Variants in SGMS1 observed in about 807,000 individuals in gnomAD.
SGMS1 encodes the protein phosphatidylcholine:ceramide cholinephosphotransferase 1.
SGMS1 carries 13 observed loss-of-function variants against 46.2 expected under a neutral mutation model. That is an observed-to-expected ratio of 0.28 (90% CI 0.18 to 0.45). The LOEUF is 0.45. Ranked by LOEUF, SGMS1 falls within the 20% of genes least tolerant of loss-of-function variation. The probability of loss-of-function intolerance (pLI) is 1.00; values close to 1 mark genes in which losing one functional copy is unlikely to be tolerated. For synonymous variants in SGMS1, 203 were observed against 187.8 expected, an observed-to-expected ratio of 1.08 and a Z score of -0.66; for missense variants, 324 against 519.9, an observed-to-expected ratio of 0.62 and a Z score of 3.66.
At chr10:50,309,894 C>T (rs779823130) in intron 9 of SGMS1, among the ~76,000 whole-genome samples, 1 of 152,156 alleles carries the variant, frequency 6.6e-6, no homozygotes, top group Non-Finnish European at 1.5e-5. Context: ...TCTGTCACTT[C>T]TCTCCATCCC....
chr10:50,623,108 G>A (rs1838870914), intron 1 of SGMS1, among the ~76,000 whole-genome samples: 1 of 152,088 alleles, frequency 6.6e-6, no homozygotes, highest in South Asian at 2.1e-4. Flanking sequence ...TGGAGAGAAG[G>A]GGAGCGCTCC....
intron 2 of SGMS1, among the ~76,000 whole-genome samples, chr10:50,582,639 C>T (rs16906316): frequency 0.033 from 5,009 of 152,228 alleles, 293 homozygotes; most frequent in African/African-American, 0.11. Flanking sequence ...AGCATGTGCC[C>T]GGCAGGATGG....
chr10:50,369,594 G>GA (rs34706801), intron 6 of SGMS1, among the ~76,000 whole-genome samples: 2 of 149,624 alleles, frequency 1.3e-5, no homozygotes, highest in Non-Finnish European at 3.0e-5. Flanking sequence ...AAATGTGGAG[G>GA]AAAAAAGTTC....
At chr10:50,340,902 A>G (rs1353862068) in intron 7 of SGMS1, among the ~76,000 whole-genome samples, 1 of 152,160 alleles carries the variant, frequency 6.6e-6, no homozygotes, top group Non-Finnish European at 1.5e-5. Flanking sequence ...GGATAGACTG[A>G]TTTTTTAAGG....
intron 2 of SGMS1, among the ~76,000 whole-genome samples, chr10:50,560,358 T>C (rs1264575220): frequency 2.2e-5 from 3 of 138,188 alleles, no homozygotes; most frequent in Non-Finnish European, 4.5e-5. Flanking sequence ...ATATATATTA[T>C]AATACATATT....
intron 2 of SGMS1, among the ~76,000 whole-genome samples, chr10:50,537,428 CT>C (rs941980671): frequency 8.3e-5 from 12 of 144,586 alleles, no homozygotes; most frequent in Admixed American, 5.0e-4. Flanking sequence ...TGTTTCTTTT[CT>C]TTTTTTTCTT....
chr10:50,517,856 C>A (rs1837819332), intron 3 of SGMS1, among the ~76,000 whole-genome samples: 1 of 151,648 alleles, frequency 6.6e-6, no homozygotes, highest in African/African-American at 2.4e-5. Flanking sequence ...AAGCTATGGA[C>A]AATGGAACAG....
intron 2 of SGMS1, among the ~76,000 whole-genome samples, chr10:50,532,245 G>C (rs1303950629): frequency 6.6e-6 from 1 of 150,644 alleles, no homozygotes; most frequent in Non-Finnish European, 1.5e-5. Context: ...GTGTGTGTGT[G>C]TGTGTGTGTG....
chr10:50,512,227 T>C (rs996371356), intron 3 of SGMS1, among the ~76,000 whole-genome samples: 8 of 151,742 alleles, frequency 5.3e-5, no homozygotes, highest in Admixed American at 5.2e-4. Context: ...CAGAAGGAGA[T>C]GGTGTGAGGG....
chr10:50,536,170 C>A (rs755556847), intron 2 of SGMS1, among the ~76,000 whole-genome samples: 13 of 151,870 alleles, frequency 8.6e-5, no homozygotes, highest in Admixed American at 3.9e-4. Flanking sequence ...CCCATCTCTA[C>A]CAAAAATCAA....
At chr10:50,411,229 T>C (rs1298082339) in intron 6 of SGMS1, among the ~76,000 whole-genome samples, 2 of 152,172 alleles carry the variant, frequency 1.3e-5, no homozygotes, top group African/African-American at 2.4e-5. Context: ...AAAGAATTCA[T>C]TGAATGCCAA....
intron 2 of SGMS1, among the ~76,000 whole-genome samples, chr10:50,551,525 T>G (rs1020587613): frequency 6.6e-6 from 1 of 151,518 alleles, no homozygotes; most frequent in African/African-American, 2.4e-5. Flanking sequence ...AATTATGACT[T>G]GAGTTAATAA....
chr10:50,459,151 G>A (rs966151625), intron 5 of SGMS1, among the ~76,000 whole-genome samples: 8 of 152,122 alleles, frequency 5.3e-5, no homozygotes, highest in African/African-American at 1.9e-4. Flanking sequence ...CGTCTCCCAT[G>A]CTAGACTCAT....
intron 8 of SGMS1, among the ~76,000 whole-genome samples, chr10:50,320,352 C>A (rs1350972701): frequency 6.6e-6 from 1 of 152,182 alleles, no homozygotes; most frequent in African/African-American, 2.4e-5. Flanking sequence ...TCTGAACCAA[C>A]TGCAATTTTA....
chr10:50,480,609 T>C lies in SGMS1; in HGVS notation c.-497-13677A>G, dbSNP rs535599681. ...CTACCCTGCCCAGGAAACCATGCTCTTTCCATAGATCTGTGCAACCGTGGA... is the reference window on the plus strand; with the variant it reads ...CTACCCTGCCCAGGAAACCATGCTCCTTCCATAGATCTGTGCAACCGTGGA... On this transcript the variant is annotated intron_variant, in intron 3 of 10. Coordinates refer to ENST00000361781, the MANE Select transcript of SGMS1 (RefSeq NM_147156.4). Among the ~76,000 whole-genome samples the C allele has an allele frequency of 2.0e-5, 3 of 151,664 alleles. No individual in the cohort carries two copies. In the East Asian group the frequency reaches 6.0e-4, roughly 30 times the overall value.
At chr10:50,622,272 C>T (rs568714482) in intron 1 of SGMS1, among the ~76,000 whole-genome samples, 2 of 152,310 alleles carry the variant, frequency 1.3e-5, no homozygotes, top group African/African-American at 4.8e-5. Flanking sequence ...GCCCCGCCCT[C>T]TCCCCTTCTG....
intron 6 of SGMS1, among the ~76,000 whole-genome samples, chr10:50,402,299 CT>C (rs149655537): frequency 1.2e-4 from 19 of 152,292 alleles, no homozygotes; most frequent in African/African-American, 4.6e-4. Context: ...TTAGCATTAG[CT>C]TTTTCAAAAA....
chr10:50,348,849 G>A (rs1244743256), intron 6 of SGMS1, among the ~76,000 whole-genome samples: 1 of 152,196 alleles, frequency 6.6e-6, no homozygotes, highest in East Asian at 1.9e-4. Flanking sequence ...AGAAGAGCCT[G>A]TAAAGCCAAG....
chr10:50,368,369 CT>C (rs1172501520), intron 6 of SGMS1, among the ~76,000 whole-genome samples: 3 of 151,934 alleles, frequency 2.0e-5, no homozygotes, highest in Non-Finnish European at 4.4e-5. Flanking sequence ...TTATTTTTTA[CT>C]TTTTGAGCCG....
Sources: gnomAD v4.1 joint callset for allele counts (sites outside exome capture counted in the v4.1 genomes callset) on GRCh38, gnomAD v4.1.1 for gene constraint, MANE v1.5 for transcripts, NCBI Gene and HGNC (gene_info 2026-07-23, HGNC 2026-07-21) for gene names.